LARGE1: variants seen among roughly 807,000 people sequenced by gnomAD.
LARGE1 encodes xylosyl- and glucuronyltransferase LARGE1.
LARGE1 carries 43 observed loss-of-function variants against 87.6 expected under a neutral mutation model. The observed-to-expected ratio is 0.49, with a 90% CI of 0.38 to 0.63. LARGE1 has a LOEUF of 0.63. LARGE1 is among the 30% of genes least tolerant of loss of function. The pLI is 0.00. For synonymous variants in LARGE1, 434 were observed against 394.6 expected (o/e 1.10, Z -1.18); for missense variants, 802 against 1,000.2 (o/e 0.80, Z 2.67).
chr22:33,879,636 T>C (rs1601839244), intron 1 of LARGE1, among the ~76,000 whole-genome samples: 1 of 152,250 alleles, frequency 6.6e-6, no homozygotes, highest in Non-Finnish European at 1.5e-5. Context: ...AAACCACTTT[T>C]TCTTTAAAGC....
chr22:33,295,748 C>T (rs977404456), intron 12 of LARGE1, among the ~76,000 whole-genome samples: 1 of 152,126 alleles, frequency 6.6e-6, no homozygotes, highest in African/African-American at 2.4e-5. Flanking sequence ...CAAGGACTTG[C>T]AAATGAGGGA....
chr22:33,604,665 C>A, intron 4 of LARGE1, 107 bp from the exon 5 acceptor site: 2 of 1,412,164 alleles, frequency 1.4e-6, no homozygotes, highest in Admixed American at 1.7e-5. Context: ...ACGTTTCTAA[C>A]GGCAATTGTG....
intron 2 of LARGE1, among the ~76,000 whole-genome samples, chr22:33,681,510 G>T (rs984806980): frequency 1.3e-5 from 2 of 152,120 alleles, no homozygotes; most frequent in African/African-American, 4.8e-5. Flanking sequence ...GTATAGTGAA[G>T]ATTAAAACAG....
At chr22:33,277,376 C>T in intron 13 of LARGE1, 121 bp from the exon 14 acceptor site, 1 of 936,488 alleles carries the variant, frequency 1.1e-6, no homozygotes. Flanking sequence ...TGAACTGTCT[C>T]CCTCCCAAAA....
intron 2 of LARGE1, among the ~76,000 whole-genome samples, chr22:33,748,212 A>G (rs1337960249): frequency 1.3e-5 from 2 of 150,286 alleles, no homozygotes; most frequent in Admixed American, 1.3e-4. Flanking sequence ...GCTCACTGCA[A>G]TCTCCACCTC....
intron 10 of LARGE1, among the ~76,000 whole-genome samples, chr22:33,329,370 A>C (rs987300559): frequency 6.6e-6 from 1 of 151,932 alleles, no homozygotes; most frequent in Non-Finnish European, 1.5e-5. Context: ...AGCTTTTAAC[A>C]TAACAACAGA....
intron 6 of LARGE1, among the ~76,000 whole-genome samples, chr22:33,535,458 G>A (rs1332425278): frequency 6.6e-6 from 1 of 151,960 alleles, no homozygotes; most frequent in African/African-American, 2.4e-5. Context: ...CAGGAGAATC[G>A]CTTGAACCCG....
chr22:33,590,811 C>T (rs1602599816), intron 5 of LARGE1, among the ~76,000 whole-genome samples: 1 of 152,240 alleles, frequency 6.6e-6, no homozygotes, highest in South Asian at 2.1e-4. Flanking sequence ...CGAATATCCA[C>T]ATACAAGTTT....
chr22:33,450,042 G>A (rs893692796), intron 6 of LARGE1, among the ~76,000 whole-genome samples: 1 of 151,958 alleles, frequency 6.6e-6, no homozygotes, highest in Non-Finnish European at 1.5e-5. Flanking sequence ...CTCCCAAGTA[G>A]CTGGAACTAC....
At chr22:33,579,590 G>A (rs1319518951) in intron 5 of LARGE1, among the ~76,000 whole-genome samples, 1 of 152,172 alleles carries the variant, frequency 6.6e-6, no homozygotes, top group Non-Finnish European at 1.5e-5. Flanking sequence ...CCAGCCCAGG[G>A]CTGGCCACAC....
intron 11 of LARGE1, among the ~76,000 whole-genome samples, chr22:33,192,675 G>A (rs534909059): frequency 1.3e-5 from 2 of 152,214 alleles, no homozygotes; most frequent in African/African-American, 4.8e-5. Flanking sequence ...TTAGTTTGAT[G>A]AAACCCTATT....
intron 6 of LARGE1, among the ~76,000 whole-genome samples, chr22:33,460,362 C>T (rs1239557321): frequency 6.6e-6 from 1 of 152,134 alleles, no homozygotes; most frequent in Non-Finnish European, 1.5e-5. Context: ...TTTCCTAACT[C>T]TGGGTTGGGC....
At chr22:33,452,434 G>A (rs1198534417) in intron 6 of LARGE1, among the ~76,000 whole-genome samples, 1 of 152,226 alleles carries the variant, frequency 6.6e-6, no homozygotes, top group Non-Finnish European at 1.5e-5. Context: ...AGAAGGTAGA[G>A]GTGGTGGCTT....
At chr22:33,534,384 A>G (rs1246438102) in intron 6 of LARGE1, among the ~76,000 whole-genome samples, 1 of 151,492 alleles carries the variant, frequency 6.6e-6, no homozygotes, top group Non-Finnish European at 1.5e-5. Flanking sequence ...AACCTGGGCG[A>G]CAGAGCAAGA....
At chr22:33,459,553 C>A (rs894870056) in intron 6 of LARGE1, among the ~76,000 whole-genome samples, 15 of 150,912 alleles carry the variant, frequency 9.9e-5, no homozygotes, top group African/African-American at 3.4e-4. Flanking sequence ...CTCCCTGCTA[C>A]ATTTATCTGA....
chr22:33,275,818 A>G (rs1929156349), intron 14 of LARGE1, among the ~76,000 whole-genome samples: 1 of 152,272 alleles, frequency 6.6e-6, no homozygotes, highest in South Asian at 2.1e-4. Flanking sequence ...TCTTTGAACT[A>G]GTTCATCTCA....
intron 11 of LARGE1, among the ~76,000 whole-genome samples, chr22:33,181,372 T>C (rs1462431568): frequency 6.6e-6 from 1 of 152,144 alleles, no homozygotes; most frequent in Non-Finnish European, 1.5e-5. Flanking sequence ...CTCAGATCAA[T>C]TGATGAGCAT....
intron 3 of LARGE1, among the ~76,000 whole-genome samples, chr22:33,639,868 C>T (rs73400715): frequency 0.049 from 7,403 of 152,206 alleles, 530 homozygotes; most frequent in African/African-American, 0.16. Context: ...CAGAAATATG[C>T]AAGAATAAGA....
At chr22:33,876,808 C>A (rs991487069) in intron 1 of LARGE1, among the ~76,000 whole-genome samples, 1 of 150,862 alleles carries the variant, frequency 6.6e-6, no homozygotes, top group Admixed American at 6.6e-5. Context: ...TATCTCAAAA[C>A]TTAAAACAAC....
Sources: gnomAD v4.1 joint callset for allele counts (sites outside exome capture counted in the v4.1 genomes callset) on GRCh38, gnomAD v4.1.1 for gene constraint, MANE v1.5 for transcripts, NCBI Gene and HGNC (gene_info 2026-07-23, HGNC 2026-07-21) for gene names.